The following MRTFB variants were observed in gnomAD, a reference collection of about 807,000 sequenced individuals.
MRTFB encodes the protein myocardin related transcription factor B, also known as myocardin-related transcription factor B.
Under a neutral mutation model 104.2 loss-of-function variants are expected in MRTFB, and 29 were observed. The observed-to-expected ratio is 0.28, with a 90% CI of 0.21 to 0.38. MRTFB has a LOEUF of 0.38. Ranked by LOEUF, MRTFB falls within the 10% of genes least tolerant of loss-of-function variation. The pLI is 1.00. For missense variants in MRTFB, 1,270 were observed against 1,341.6 expected (o/e 0.95, Z 0.83); for synonymous variants, 535 against 519.5 (o/e 1.03, Z -0.41).
rs532056345 is a variant in MRTFB at position 14,173,819 on chromosome 16, T to C, written c.154+33059T>C. On this transcript the variant is annotated intron_variant, in intron 3 of 16. Coordinates refer to ENST00000571589, the MANE Select transcript of MRTFB (RefSeq NM_001308142.2). The stretch of plus-strand genomic sequence containing the variant: ...TTTCATTCTTCCATTTTTATTGATG[T>C]AATGGTTTACGGATTTGAATTTTTC... Among the ~76,000 whole-genome samples the C allele has an allele frequency of 3.3e-5, 5 of 152,318 alleles. No homozygotes were observed. The South Asian group carries it at 1.0e-3, about 32-fold the overall frequency.
At chr16:14,050,164 G>GACACACAC in the MRTFB span, among the ~76,000 whole-genome samples, 8 of 149,834 alleles carry the variant, frequency 5.3e-5, no homozygotes, top group African/African-American at 7.3e-5. Context: ...CAGACAGACA[G>GACACACAC]ACACACACAC....
chr16:14,108,627 T>C (rs1007966680), intron 2 of MRTFB, among the ~76,000 whole-genome samples: 2 of 152,196 alleles, frequency 1.3e-5, no homozygotes, highest in Admixed American at 6.5e-5. Context: ...CCCCAGGAGG[T>C]TACTTCTCTC....
intron 3 of MRTFB, chr16:14,153,252 C>T (rs2038704464): frequency 6.6e-6 from 1 of 152,140 alleles, no homozygotes; most frequent in Non-Finnish European, 1.5e-5. Context: ...GTGTGTGTTA[C>T]TGTTTCTCTC....
At chr16:14,048,212 A>G in the MRTFB span, among the ~76,000 whole-genome samples, 3 of 152,194 alleles carry the variant, frequency 2.0e-5, no homozygotes, top group Non-Finnish European at 2.9e-5. Context: ...TCACTGATGC[A>G]AGAGGTGGGT....
chr16:14,056,824 A>C, the MRTFB span, among the ~76,000 whole-genome samples: 1 of 152,168 alleles, frequency 6.6e-6, no homozygotes, highest in Admixed American at 6.5e-5. Flanking sequence ...CTATCTCTAC[A>C]TATTAAGAAA....
intron 3 of MRTFB, among the ~76,000 whole-genome samples, chr16:14,173,490 G>T (rs545378870): frequency 4.2e-4 from 64 of 152,082 alleles, no homozygotes; most frequent in African/African-American, 1.5e-3. Flanking sequence ...ATCTCTAACT[G>T]CTTATTATTT....
At chr16:14,103,059 A>G (rs1016088273) in intron 2 of MRTFB, among the ~76,000 whole-genome samples, 5 of 152,152 alleles carry the variant, frequency 3.3e-5, no homozygotes, top group African/African-American at 1.2e-4. Context: ...CAGCTCCAGC[A>G]CTTACTTCCT....
In MRTFB at chr16:14,261,924, C is replaced by T. The variant is rs2043794469; in HGVS notation, c.*480C>T. 1 of 153,340 alleles carries T rather than the reference C, an allele frequency of 6.5e-6. No homozygotes were observed. The allele number at this position is 153,340 out of a possible 1,614,324, so 9.5% of individuals were successfully genotyped here. A position where few individuals can be genotyped will look rare whatever the true frequency, so the allele number is the denominator to read the frequency against. On this transcript the variant is annotated 3_prime_UTR_variant, in exon 17 of 17. Transcript: ENST00000571589. ...TCCTAGAGACGGCCGGAGCCAGGCCCAAGACACAGCAGAGGTCAAAGGCAG... is the reference window on the plus strand; with the variant it reads ...TCCTAGAGACGGCCGGAGCCAGGCCTAAGACACAGCAGAGGTCAAAGGCAG...
At position 14,261,457 on chromosome 16, in the gene MRTFB, CT is replaced by C. The variant is rs754374904; in HGVS notation, c.*17del. 5.5e-5 allele frequency: 87 copies of C among 1,570,054 alleles called. 1 individual carries two copies. The highest frequency in any genetic ancestry group is 4.8e-4 in the South Asian group (41 of 84,736). The stretch of plus-strand genomic sequence containing the variant: ...GCCATGGGACTAACGTCACAGATTT[CT>C]TTTCTGAGAGTTGATGAGGTTTAAG... On this transcript the variant is annotated 3_prime_UTR_variant, in exon 17 of 17. Coordinates refer to ENST00000571589, the MANE Select transcript of MRTFB (RefSeq NM_001308142.2).
intron 9 of MRTFB, among the ~76,000 whole-genome samples, chr16:14,239,989 ACAGCTCATG>A (rs2042692543): frequency 6.6e-6 from 1 of 152,230 alleles, no homozygotes; most frequent in South Asian, 2.1e-4. Flanking sequence ...TTGAGTTTGA[ACAGCTCATG>A]CTGAGCATCT....
At chr16:14,186,842 C>T in intron 3 of MRTFB, 2 of 1,594,054 alleles carry the variant, frequency 1.3e-6, no homozygotes, top group South Asian at 1.1e-5. Flanking sequence ...GTGTTCTGCG[C>T]ACCGCACTTC....
At chr16:14,235,688 T>C (rs2042466154) in intron 9 of MRTFB, among the ~76,000 whole-genome samples, 1 of 152,292 alleles carries the variant, frequency 6.6e-6, no homozygotes, top group Middle Eastern at 3.4e-3. Flanking sequence ...CCTTCACTTG[T>C]GGGGGCTGAT....
the MRTFB span, among the ~76,000 whole-genome samples, chr16:13,997,704 G>T: frequency 1.3e-5 from 2 of 148,888 alleles, no homozygotes; most frequent in Non-Finnish European, 3.0e-5. Flanking sequence ...GAGATAGGGG[G>T]ATAGCTTGAG....
chr16:14,250,426 T>C (rs1416783421), intron 13 of MRTFB, among the ~76,000 whole-genome samples: 1 of 152,224 alleles, frequency 6.6e-6, no homozygotes, highest in African/African-American at 2.4e-5. Flanking sequence ...TGGCTCTTGA[T>C]GGAGGTGCTA....
chr16:14,120,296 C>G (rs1256116528), intron 2 of MRTFB, among the ~76,000 whole-genome samples: 2 of 152,180 alleles, frequency 1.3e-5, no homozygotes, highest in East Asian at 1.9e-4. Flanking sequence ...ACATTATAAT[C>G]AAGTCATACT....
At chr16:14,096,816 G>T (rs1057285535) in intron 2 of MRTFB, among the ~76,000 whole-genome samples, 1 of 152,144 alleles carries the variant, frequency 6.6e-6, no homozygotes, top group Non-Finnish European at 1.5e-5. Flanking sequence ...TTGGGTCCCT[G>T]TTCCTAAGCT....
At chr16:14,091,848 A>C (rs1354979135) in intron 2 of MRTFB, among the ~76,000 whole-genome samples, 1 of 152,002 alleles carries the variant, frequency 6.6e-6, no homozygotes, top group African/African-American at 2.4e-5. Context: ...TACAAAAATT[A>C]GCCAGGCATG....
At chr16:14,021,271 G>T in the MRTFB span, among the ~76,000 whole-genome samples, 1 of 152,206 alleles carries the variant, frequency 6.6e-6, no homozygotes. Flanking sequence ...TCAGTTCTTC[G>T]TGGTTGTAGG....
rs140380184 is a variant in MRTFB, at chr16:14,135,092, C to A, written c.-63-5452C>A. ...CAAACGGCTCTCTCTCCAGCCATAC[C>A]CTTTTTTCAGCGTTCTGGCCTTGGG... On this transcript the variant is annotated intron_variant, in intron 2 of 16. Transcript: ENST00000571589. Among the ~76,000 whole-genome samples, 654 of 152,326 alleles carry A rather than the reference C, an allele frequency of 4.3e-3. 3 individuals are homozygous for A. The highest frequency in any genetic ancestry group is 0.015 in the African/African-American group (627 of 41,580).
Sources: allele counts gnomAD v4.1 joint callset (sites outside exome capture counted in the v4.1 genomes callset), GRCh38; gene constraint gnomAD v4.1.1; transcripts MANE v1.5; gene names NCBI Gene and HGNC (gene_info 2026-07-23, HGNC 2026-07-21).